Variants in FCAMR observed in about 807,000 individuals in gnomAD.
FCAMR encodes Fc alpha and mu receptor, also known as high affinity immunoglobulin alpha and immunoglobulin mu Fc receptor.
A neutral mutation model predicts 52.2 loss-of-function variants in FCAMR; 51 were observed. The ratio of observed to expected loss-of-function variants is 0.98; its 90% confidence interval spans 0.78 to 1.23. FCAMR has a LOEUF of 1.23. Ranked by LOEUF, FCAMR falls within the 50% of genes most tolerant of loss-of-function variation. The pLI, the probability that FCAMR is intolerant of heterozygous loss-of-function variation, is 0.00. For synonymous variants in FCAMR, 282 were observed against 262.0 expected (o/e 1.08, Z -0.74); for missense variants, 719 against 712.6 (o/e 1.01, Z -0.10).
chr1:206,965,846 G>A lies in FCAMR; in HGVS notation c.182C>T (p.Ala61Val). 6.2e-7 allele frequency: 1 copy of A among 1,607,638 alleles called. No homozygotes were observed. Residue 61 changes from alanine to valine, a missense_variant, in exon 4 of 8, where the codon GCC (alanine) becomes GTC (valine). Physicochemically the swap from Ala to Val is moderately conservative, Grantham distance 64. Coordinates refer to ENST00000324852, the MANE Select transcript of FCAMR (RefSeq NM_001170631.2). ...ILCLLQGSSFALPQKRPHPRW... is the reference protein window; with the variant it reads ...ILCLLQGSSFVLPQKRPHPRW... ...CGGATGGGGTCTTTTTTGTGGAAGGGCGAAAGAAGAACCTGCAGCAAAGGA... is the reference window on the plus strand; with the variant it reads ...CGGATGGGGTCTTTTTTGTGGAAGGACGAAAGAAGAACCTGCAGCAAAGGA...
At chr1:206,969,161 G>A in intron 1 of FCAMR, 1 of 338,996 alleles carries the variant, frequency 2.9e-6, no homozygotes, top group Non-Finnish European at 6.0e-6. Context: ...ACTCCCCCGG[G>A]TGAATTTTTC....
At chr1:206,965,564 T>A in intron 4 of FCAMR, 151 bp downstream of exon 4, 1 of 972,182 alleles carries the variant, frequency 1.0e-6, no homozygotes, top group Non-Finnish European at 1.4e-6. Flanking sequence ...CTGGCTCTCA[T>A]CCCCTCATTG....
At position 206,965,698 on chromosome 1, in the gene FCAMR, G is replaced by C. The variant is rs773264426; in HGVS notation, c.313+17C>G. 40 of 1,547,084 alleles carry C rather than the reference G, an allele frequency of 2.6e-5. No individual in the cohort carries two copies. The highest frequency in any genetic ancestry group is 3.5e-5 in the Non-Finnish European group (40 of 1,154,546). The stretch of plus-strand genomic sequence containing the variant: ...TCTGAGGTCCATGGTCGAACAAAGG[G>C]AGAGTAGGGGTTGTACCTGCAAAGG... On this transcript the variant is annotated intron_variant, in intron 4 of 7. Transcript: ENST00000324852.
intron 4 of FCAMR, among the ~76,000 whole-genome samples, chr1:206,964,801 G>T (rs1423088915): frequency 6.6e-6 from 1 of 152,106 alleles, no homozygotes; most frequent in African/African-American, 2.4e-5. Context: ...CTATTGCCAG[G>T]AACAGTTAAG....
Position 206,958,386 on chromosome 1 carries a change from G to A in FCAMR, c.*130C>T. The A allele has an allele frequency of 9.4e-7, 1 of 1,062,968 alleles. No individual in the cohort carries two copies. Among genetic ancestry groups the A allele is most frequent in the Non-Finnish European group, 1.3e-6 (1 of 754,120 alleles). 65.8% of individuals were successfully genotyped at this position (1,062,968 alleles called of 1,614,324 possible). A position where few individuals can be genotyped will look rare whatever the true frequency, so the allele number is the denominator to read the frequency against. ...AGGACAGCCAGCCTTTCTTCCATGG[G>A]TGGAGCACCGGCTGCATCAGCTTCT... is the stretch of plus-strand genomic sequence containing the variant. On this transcript the variant is annotated 3_prime_UTR_variant, in exon 8 of 8. Coordinates refer to ENST00000324852, the MANE Select transcript of FCAMR (RefSeq NM_001170631.2).
intron 4 of FCAMR, among the ~76,000 whole-genome samples, chr1:206,965,132 T>G (rs1247403052): frequency 1.3e-5 from 2 of 152,190 alleles, no homozygotes; most frequent in Admixed American, 1.3e-4. Context: ...ATATGCAATA[T>G]TCACAATTAC....
chr1:206,961,246 C>A (rs117620733), intron 5 of FCAMR, 23 bp from the exon 6 acceptor site: 4 of 1,498,630 alleles, frequency 2.7e-6, no homozygotes, highest in South Asian at 1.3e-5. Flanking sequence ...CAGAGGGAGG[C>A]CACATGGGAA....
At chr1:206,966,620 G>A (rs1162168655) in intron 3 of FCAMR, among the ~76,000 whole-genome samples, 4 of 152,178 alleles carry the variant, frequency 2.6e-5, no homozygotes, top group Admixed American at 2.0e-4. Context: ...TCCTGACCTT[G>A]TGATCCGCCT....
chr1:206,959,487 A>AAAAAG (rs963645306), intron 7 of FCAMR, among the ~76,000 whole-genome samples, 192 bp downstream of exon 7: 4 of 151,480 alleles, frequency 2.6e-5, no homozygotes, highest in African/African-American at 7.3e-5. Flanking sequence ...AAAAAAAAAA[A>AAAAAG]AAAAGAAAAG....
rs1173120274 is a variant in FCAMR, at chr1:206,965,730, C to T, written c.298G>A (p.Glu100Lys). The T allele has an allele frequency of 3.2e-6, 5 of 1,574,684 alleles. No individual in the cohort carries two copies. In the South Asian group the frequency reaches 4.7e-5, roughly 15 times the overall value. ...RPSSPLCWRE[E>K]SSFAAPNSLK... ...GGGGTTGTACCTGCAAAGGAGCTCT[C>T]CTCCCGCCAGCAGAGGGGCGAGGAA... The change falls in exon 4 of 8, where the codon GAG becomes AAG. Residue 100 changes from glutamate (E) to lysine (K), a missense_variant. Transcript: ENST00000324852.
At chr1:206,959,569 T>C (rs1213044542) in intron 7 of FCAMR, 110 bp downstream of exon 7, 2 of 760,760 alleles carry the variant, frequency 2.6e-6, no homozygotes, top group East Asian at 4.9e-5. Context: ...GCCTAGAATT[T>C]AGCTCTTCTA....
chr1:206,969,177 C>T (rs770468387), intron 1 of FCAMR: 30 of 365,950 alleles, frequency 8.2e-5, no homozygotes, highest in Non-Finnish European at 1.4e-4. Flanking sequence ...TTTTCTAAAG[C>T]ACTAAGTGCT....
Position 206,958,642 on chromosome 1 carries a change from C to T in FCAMR, c.1608G>A (p.Met536Ile), listed in dbSNP as rs777751108. The T allele has an allele frequency of 7.4e-6, 12 of 1,614,044 alleles. No homozygotes were observed. The Admixed American group carries it at 2.0e-4, about 27-fold the overall frequency. Residue 536 changes from methionine to isoleucine, a missense_variant, in exon 8 of 8, where the codon ATG becomes ATA. By Grantham distance (10) the Met-to-Ile change is conservative. Transcript: ENST00000324852. Reference protein sequence around the residue: ...QEAERVTLIQMTHFLEVNPQA... With the variant: ...QEAERVTLIQITHFLEVNPQA... ...GGGGGTTCACTTCCAGAAAATGTGT[C>T]ATCTGAATTAAGGTGACCCTTTCTG...
intron 6 of FCAMR, 151 bp downstream of exon 6, chr1:206,960,271 C>A: frequency 2.7e-6 from 2 of 741,844 alleles, no homozygotes; most frequent in Non-Finnish European, 4.4e-6. Flanking sequence ...CACAGCAAGG[C>A]CCCTTGGGTG....
At chr1:206,962,148 T>C in intron 5 of FCAMR, 65 bp downstream of exon 5, 1 of 1,516,508 alleles carries the variant, frequency 6.6e-7, no homozygotes, top group Non-Finnish European at 9.0e-7. Context: ...CTGAGGCTTC[T>C]CTCCCACTTT....
In FCAMR at chr1:206,970,213, C is replaced by T. The variant is rs959337081; in HGVS notation, c.-88G>A. On this transcript the variant is annotated 5_prime_UTR_variant, in exon 1 of 8. Coordinates refer to ENST00000324852, the MANE Select transcript of FCAMR (RefSeq NM_001170631.2). ...CGACTTCTAGTTGCTCTCCTTTAAA[C>T]CTGGAGACTGAGAAGTCAAGGTGGT... The T allele has an allele frequency of 6.8e-7, 1 of 1,475,220 alleles. No homozygotes were observed. The highest frequency in any genetic ancestry group is 9.4e-7 in the Non-Finnish European group (1 of 1,063,338). 91.4% of individuals were successfully genotyped at this position (1,475,220 alleles called of 1,614,324 possible). A position where few individuals can be genotyped will look rare whatever the true frequency, so the allele number is the denominator to read the frequency against.
At chr1:206,967,234 G>A in intron 2 of FCAMR, 122 bp from the exon 3 acceptor site, 2 of 926,176 alleles carry the variant, frequency 2.2e-6, no homozygotes, top group Non-Finnish European at 3.4e-6. Flanking sequence ...GGGCTGGGTT[G>A]CAGATATCTG....
rs768251382 is a variant in FCAMR, at chr1:206,962,466, A to C, written c.399T>G (p.Ser133=). 1.3e-5 allele frequency: 21 copies of C among 1,613,452 alleles called. No individual in the cohort carries two copies. Among genetic ancestry groups the C allele is most frequent in the Non-Finnish European group, 1.7e-5 (20 of 1,179,520 alleles). Residue 133 remains serine (S), a synonymous_variant, in exon 5 of 8, where the codon TCT becomes TCG. Transcript: ENST00000324852. ...VTIQCHYAPS[S]VNRHQRKYWC... ...AGTACTTCCTCTGGTGCCTGTTGAC[A>C]GATGAGGGGGCATAATGGCACTGGA... is the stretch of plus-strand genomic sequence containing the variant.
At position 206,970,285 on chromosome 1, in the gene FCAMR, G is replaced by T. The variant is rs1033752043; in HGVS notation, c.-160C>A. The T allele has an allele frequency of 9.0e-6, 6 of 669,340 alleles. No homozygotes were observed. The highest frequency in any genetic ancestry group is 5.7e-5 in the Admixed American group (2 of 35,356). 41.5% of individuals were successfully genotyped at this position (669,340 alleles called of 1,614,324 possible). On this transcript the variant is annotated 5_prime_UTR_variant, in exon 1 of 8. Transcript: ENST00000324852. ...TAGCAACGGAAGGTCGGGGTGCAAG[G>T]CGTAGCTCTGCCACTCACCTCAAGT...
Sources: gnomAD v4.1 joint callset for allele counts (sites outside exome capture counted in the v4.1 genomes callset) on GRCh38, gnomAD v4.1.1 for gene constraint, MANE v1.5 for transcripts, NCBI Gene and HGNC (gene_info 2026-07-23, HGNC 2026-07-21) for gene names.